Variants in SORCS2 observed in about 807,000 individuals in gnomAD.
SORCS2 encodes the protein sortilin related VPS10 domain containing receptor 2.
Under a neutral mutation model 141.6 loss-of-function variants are expected in SORCS2, and 100 were observed. The observed-to-expected ratio is 0.71, with a 90% confidence interval of 0.60 to 0.83. The LOEUF (loss-of-function observed/expected upper bound fraction) is 0.83. Among genes scored for constraint, SORCS2 ranks in the 40% least tolerant of loss-of-function variants. The probability of loss-of-function intolerance (pLI) is 0.00; values close to 1 mark genes in which losing one functional copy is unlikely to be tolerated. For missense variants in SORCS2, 1,646 were observed against 1,560.2 expected (o/e 1.05, Z -0.93); for synonymous variants, 789 against 676.9 (o/e 1.17, Z -2.57).
chr4:7,643,780 A>G (rs913685269), intron 4 of SORCS2, among the ~76,000 whole-genome samples: 5 of 152,144 alleles, frequency 3.3e-5, no homozygotes, highest in Admixed American at 3.3e-4. Context: ...GAGAGCCCTA[A>G]TATTGAGTGA....
At chr4:7,599,403 G>A (rs141781468) in intron 3 of SORCS2, among the ~76,000 whole-genome samples, 1 of 152,200 alleles carries the variant, frequency 6.6e-6, no homozygotes, top group Non-Finnish European at 1.5e-5. Flanking sequence ...GCCAAGCCCG[G>A]TGTGCTCCGT....
intron 26 of SORCS2, among the ~76,000 whole-genome samples, chr4:7,738,700 C>T (rs970583175): frequency 2.5e-4 from 38 of 152,148 alleles, no homozygotes; most frequent in Non-Finnish European, 3.7e-4. Context: ...ATCCTCAGAA[C>T]GTGAGCGGCG....
At chr4:7,542,634 G>T (rs1489655304) in intron 3 of SORCS2, among the ~76,000 whole-genome samples, 1 of 152,218 alleles carries the variant, frequency 6.6e-6, no homozygotes, top group Non-Finnish European at 1.5e-5. Flanking sequence ...ACAGTCTCCC[G>T]AATTGTGAGA....
At chr4:7,472,292 G>T (rs891327011) in intron 2 of SORCS2, among the ~76,000 whole-genome samples, 2 of 152,328 alleles carry the variant, frequency 1.3e-5, no homozygotes, top group Non-Finnish European at 2.9e-5. Flanking sequence ...GCTGGGTTGG[G>T]GATGATTCAG....
chr4:7,606,739 G>A (rs1183398962), intron 3 of SORCS2, among the ~76,000 whole-genome samples: 1 of 151,998 alleles, frequency 6.6e-6, no homozygotes, highest in Non-Finnish European at 1.5e-5. Context: ...GACTGTATTG[G>A]GAGTTATATT....
chr4:7,239,068 C>T (rs948263462), intron 1 of SORCS2, among the ~76,000 whole-genome samples: 14 of 152,222 alleles, frequency 9.2e-5, no homozygotes, highest in African/African-American at 2.7e-4. Flanking sequence ...GAGACTCCCC[C>T]GTCCTCTTGG....
chr4:7,311,403 A>T lies in SORCS2; in HGVS notation c.481-84885A>T, dbSNP rs191109641. ...CTCCTATACGAGCTTTCGTGGAGAC[A>T]CCTGTCTTCATTTCTCTCGGGTAAA... is the stretch of plus-strand genomic sequence containing the variant. On this transcript the variant is annotated intron_variant, in intron 1 of 26. Transcript: ENST00000507866. Among the ~76,000 whole-genome samples the T allele has an allele frequency of 3.9e-5, 6 of 152,250 alleles. No individual in the cohort carries two copies. In the East Asian group the frequency reaches 9.7e-4, roughly 24 times the overall value.
chr4:7,413,301 A>G (rs1458608769), intron 2 of SORCS2, among the ~76,000 whole-genome samples: 2 of 151,820 alleles, frequency 1.3e-5, no homozygotes, highest in Non-Finnish European at 2.9e-5. Context: ...TAGTCTTAAG[A>G]TGCAAATATG....
intron 3 of SORCS2, among the ~76,000 whole-genome samples, chr4:7,631,011 G>A (rs1024140632): frequency 9.2e-5 from 14 of 151,778 alleles, no homozygotes; most frequent in Admixed American, 3.3e-4. Flanking sequence ...CTAGCGAGGC[G>A]AGAAGTGGTT....
At chr4:7,434,002 G>C (rs1727090528) in intron 2 of SORCS2, 9 of 1,613,090 alleles carry the variant, frequency 5.6e-6, no homozygotes, top group Non-Finnish European at 6.8e-6. Context: ...CACCTCACAG[G>C]TCACACCGGC....
rs527399371 is a variant in SORCS2 at position 7,602,720 on chromosome 4, G to A, written c.649-35608G>A. On this transcript the variant is annotated intron_variant, in intron 3 of 26. Coordinates refer to ENST00000507866, the MANE Select transcript of SORCS2 (RefSeq NM_020777.3). ...GCTCCTCACATCCCAGACGATGGGC[G>A]GCCAGGCAGAGACGCTCCTCACTTC... 8.6e-5 allele frequency among the ~76,000 whole-genome samples: 13 copies of A among 151,756 alleles called. No individual in the cohort carries two copies. In the South Asian group the frequency reaches 1.3e-3, roughly 15 times the overall value.
chr4:7,243,009 G>T (rs942903397), intron 1 of SORCS2, among the ~76,000 whole-genome samples: 1 of 152,096 alleles, frequency 6.6e-6, no homozygotes, highest in Non-Finnish European at 1.5e-5. Flanking sequence ...GTCAGCCCTG[G>T]TCCTCCTTGA....
intron 2 of SORCS2, among the ~76,000 whole-genome samples, chr4:7,457,836 C>A (rs939208388): frequency 3.3e-5 from 5 of 152,224 alleles, no homozygotes; most frequent in African/African-American, 1.2e-4. Context: ...CTGGAAGGCC[C>A]TGGGGGTTTT....
rs143881526 is a variant in SORCS2, at chr4:7,610,467, C to T, written c.649-27861C>T. On this transcript the variant is annotated intron_variant, in intron 3 of 26. Coordinates refer to ENST00000507866, the MANE Select transcript of SORCS2 (RefSeq NM_020777.3). ...CAGGGGAGCTCTGCACGAGGCCCCC[C>T]GGGTTCATTGCATGGCACATTGGCA... Among the ~76,000 whole-genome samples the T allele has an allele frequency of 6.4e-3, 980 of 152,256 alleles. 1 individual carries two copies. Among genetic ancestry groups the T allele is most frequent in the Middle Eastern group, 0.017 (5 of 294 alleles).
At chr4:7,518,601 C>A (rs1195276282) in intron 2 of SORCS2, among the ~76,000 whole-genome samples, 1 of 152,160 alleles carries the variant, frequency 6.6e-6, no homozygotes, top group Non-Finnish European at 1.5e-5. Context: ...TAGGTTGGTT[C>A]CTGGGGACAA....
chr4:7,447,798 G>C (rs140207966), intron 2 of SORCS2, among the ~76,000 whole-genome samples: 1 of 152,146 alleles, frequency 6.6e-6, no homozygotes, highest in Non-Finnish European at 1.5e-5. Context: ...GGATGGAACG[G>C]AGCCTGTGCA....
intron 3 of SORCS2, among the ~76,000 whole-genome samples, chr4:7,575,284 G>A (rs1577777144): frequency 6.6e-6 from 1 of 152,304 alleles, no homozygotes; most frequent in South Asian, 2.1e-4. Flanking sequence ...AGGAGAAACA[G>A]CCAAAGTTGA....
At chr4:7,353,082 G>T (rs1721042729) in intron 1 of SORCS2, among the ~76,000 whole-genome samples, 1 of 152,156 alleles carries the variant, frequency 6.6e-6, no homozygotes, top group Admixed American at 6.5e-5. Flanking sequence ...CAGGGACTGT[G>T]CCTGGCAATG....
rs532077800 is a variant in SORCS2, at chr4:7,254,067, C to T, written c.480+60941C>T. Among the ~76,000 whole-genome samples the T allele has an allele frequency of 3.9e-5, 6 of 152,244 alleles. No individual in the cohort carries two copies. In the South Asian group the frequency reaches 8.3e-4, roughly 21 times the overall value. Reference sequence around the variant, plus strand: ...CAGAGAAGAGGGAACTCTTAGGCACCGTTGGTGGGAATGTAAATTAGTTCA... The same window carrying T: ...CAGAGAAGAGGGAACTCTTAGGCACTGTTGGTGGGAATGTAAATTAGTTCA... On this transcript the variant is annotated intron_variant, in intron 1 of 26. Transcript: ENST00000507866.
Sources: allele counts gnomAD v4.1 joint callset (sites outside exome capture counted in the v4.1 genomes callset), GRCh38; gene constraint gnomAD v4.1.1; transcripts MANE v1.5; gene names NCBI Gene and HGNC (gene_info 2026-07-23, HGNC 2026-07-21).